The following EXOC4 variants were observed in gnomAD, a reference collection of about 807,000 sequenced individuals.
The protein encoded by EXOC4 is exocyst complex component 4.
Under a neutral mutation model 107.2 loss-of-function variants are expected in EXOC4, and 71 were observed. That is an observed-to-expected ratio of 0.66 (90% CI 0.55 to 0.81). The LOEUF (loss-of-function observed/expected upper bound fraction) is 0.81, where lower values mean the gene tolerates loss of function less well. EXOC4 is among the 30% of genes least tolerant of loss of function. The probability of loss-of-function intolerance (pLI) is 0.00; values close to 1 mark genes in which losing one functional copy is unlikely to be tolerated. For synonymous variants in EXOC4, 456 were observed against 441.2 expected, an observed-to-expected ratio of 1.03 and a Z score of -0.42; for missense variants, 1,108 against 1,189.6, an observed-to-expected ratio of 0.93 and a Z score of 1.01.
At chr7:134,072,170 T>C in the EXOC4 span, among the ~76,000 whole-genome samples, 1 of 152,242 alleles carries the variant, frequency 6.6e-6, no homozygotes, top group Non-Finnish European at 1.5e-5. Context: ...TTCTAGAATC[T>C]GGTGTATCTT....
downstream of EXOC4, among the ~76,000 whole-genome samples, chr7:134,070,967 G>C (rs972256080): frequency 2.6e-5 from 4 of 152,084 alleles, no homozygotes; most frequent in Admixed American, 6.5e-5. Context: ...ACCAGCTCAA[G>C]TTTTCTTTCA....
intron 7 of EXOC4, among the ~76,000 whole-genome samples, chr7:133,383,308 G>A (rs762149247): frequency 3.3e-5 from 5 of 152,000 alleles, no homozygotes; most frequent in Non-Finnish European, 7.4e-5. Flanking sequence ...CACAACTGTC[G>A]ATTTAGCCAT....
intron 5 of EXOC4, among the ~76,000 whole-genome samples, chr7:133,329,126 C>G (rs955321499): frequency 3.9e-5 from 6 of 152,138 alleles, no homozygotes; most frequent in East Asian, 1.9e-4. Flanking sequence ...TCTTTTCACT[C>G]TTTTCCCTCC....
chr7:133,850,393 A>C (rs1798215934), intron 11 of EXOC4, among the ~76,000 whole-genome samples: 1 of 152,138 alleles, frequency 6.6e-6, no homozygotes, highest in Non-Finnish European at 1.5e-5. Context: ...ATTTCCAAGT[A>C]GGTTTGGAAA....
chr7:133,291,469 C>T (rs958255091), intron 3 of EXOC4, among the ~76,000 whole-genome samples: 5 of 150,796 alleles, frequency 3.3e-5, no homozygotes, highest in African/African-American at 1.2e-4. Context: ...ACAACCTTTG[C>T]CTCCTAGGTT....
intron 10 of EXOC4, among the ~76,000 whole-genome samples, chr7:133,721,153 T>C (rs909294684): frequency 1.3e-5 from 2 of 152,198 alleles, no homozygotes; most frequent in Admixed American, 6.5e-5. Context: ...TGAGAAAATA[T>C]GGAGCTTAAT....
chr7:134,017,491 A>C (rs779025173), intron 17 of EXOC4, among the ~76,000 whole-genome samples: 8 of 152,200 alleles, frequency 5.3e-5, no homozygotes, highest in Non-Finnish European at 7.3e-5. Flanking sequence ...CTTTTTAAAG[A>C]TCTTTATATA....
chr7:133,950,810 C>G lies in EXOC4; in HGVS notation c.2206+12741C>G, dbSNP rs528049169. ...GGCTTTACAAAGAAAAATATTTGCTCAAACTTTACCCAGAGACAGGAGATG... is the reference window on the plus strand; with the variant it reads ...GGCTTTACAAAGAAAAATATTTGCTGAAACTTTACCCAGAGACAGGAGATG... On this transcript the variant is annotated intron_variant, in intron 14 of 17. Coordinates refer to ENST00000253861, the MANE Select transcript of EXOC4 (RefSeq NM_021807.4). 3.3e-5 allele frequency among the ~76,000 whole-genome samples: 5 copies of G among 152,298 alleles called. No homozygotes were observed. In the East Asian group the frequency reaches 9.6e-4, roughly 29 times the overall value.
At chr7:133,274,392 T>C (rs578104800) in intron 1 of EXOC4, among the ~76,000 whole-genome samples, 1 of 152,324 alleles carries the variant, frequency 6.6e-6, no homozygotes, top group East Asian at 1.9e-4. Context: ...ACAATGGATA[T>C]TTATTATCTC....
At chr7:134,099,816 C>T in the EXOC4 span, among the ~76,000 whole-genome samples, 1 of 152,190 alleles carries the variant, frequency 6.6e-6, no homozygotes, top group Non-Finnish European at 1.5e-5. Flanking sequence ...AAGTGCTTCT[C>T]CTGCCTCAGT....
chr7:133,597,554 CAAAAAAAAAAAAA>C (rs58399632), intron 9 of EXOC4, among the ~76,000 whole-genome samples: 57 of 96,082 alleles, frequency 5.9e-4, no homozygotes, highest in South Asian at 7.5e-4. Context: ...AACTCTGTTT[CAAAAAAAAAAAAA>C]AAAAAAAACC....
intron 11 of EXOC4, among the ~76,000 whole-genome samples, chr7:133,865,930 C>T (rs1798630256): frequency 6.6e-6 from 1 of 152,114 alleles, no homozygotes; most frequent in Non-Finnish European, 1.5e-5. Flanking sequence ...TCATTGTGAA[C>T]TTGGAGACAT....
At chr7:134,064,267 C>T (rs761876984) in intron 17 of EXOC4, 24 bp from the exon 18 acceptor site, 3 of 1,392,396 alleles carry the variant, frequency 2.2e-6, no homozygotes, top group Non-Finnish European at 2.8e-6. Context: ...AGCCAGTGAG[C>T]AGTGTTCTCT....
chr7:133,589,630 C>T (rs1801492614), intron 9 of EXOC4, among the ~76,000 whole-genome samples: 1 of 152,196 alleles, frequency 6.6e-6, no homozygotes, highest in Non-Finnish European at 1.5e-5. Flanking sequence ...ATTTTCCAGT[C>T]AGGAGTGTAG....
chr7:133,919,213 T>G (rs1563057140), intron 13 of EXOC4, among the ~76,000 whole-genome samples: 2 of 152,282 alleles, frequency 1.3e-5, no homozygotes, highest in South Asian at 2.1e-4. Context: ...CTCCCCACCT[T>G]TATTTTTTGA....
chr7:133,594,397 G>T (rs1294314669), intron 9 of EXOC4, among the ~76,000 whole-genome samples: 1 of 151,938 alleles, frequency 6.6e-6, no homozygotes, highest in Non-Finnish European at 1.5e-5. Context: ...TGGGCAAGGG[G>T]TATAGGCCCT....
At chr7:133,456,267 T>A (rs992867988) in intron 7 of EXOC4, among the ~76,000 whole-genome samples, 2 of 152,160 alleles carry the variant, frequency 1.3e-5, no homozygotes, top group Non-Finnish European at 1.5e-5. Context: ...TCTAGAGAGG[T>A]CACCATGTGG....
At chr7:133,383,241 C>T (rs1473309994) in intron 7 of EXOC4, among the ~76,000 whole-genome samples, 1 of 152,068 alleles carries the variant, frequency 6.6e-6, no homozygotes, top group African/African-American at 2.4e-5. Flanking sequence ...CAAACCCATC[C>T]TCCAGACGTT....
At chr7:133,471,943 A>G (rs956613045) in intron 7 of EXOC4, among the ~76,000 whole-genome samples, 1 of 152,200 alleles carries the variant, frequency 6.6e-6, no homozygotes, top group Non-Finnish European at 1.5e-5. Context: ...ATAGCCAACT[A>G]GAGTGGCCTG....
Sources: allele counts gnomAD v4.1 joint callset (sites outside exome capture counted in the v4.1 genomes callset), GRCh38; gene constraint gnomAD v4.1.1; transcripts MANE v1.5; gene names NCBI Gene and HGNC (gene_info 2026-07-23, HGNC 2026-07-21).